Variants in AGBL1 observed in about 807,000 individuals in gnomAD.
AGBL1 encodes the protein cytosolic carboxypeptidase 4.
Under a neutral mutation model 118.9 loss-of-function variants are expected in AGBL1, and 130 were observed. The observed-to-expected ratio is 1.09, with a 90% CI of 0.95 to 1.26. The LOEUF (loss-of-function observed/expected upper bound fraction) is 1.26, where lower values mean the gene tolerates loss of function less well. AGBL1 is among the 50% of genes most tolerant of loss of function. The probability of loss-of-function intolerance (pLI) is 0.00; values close to 1 mark genes in which losing one functional copy is unlikely to be tolerated. For synonymous variants in AGBL1, 555 were observed against 478.9 expected (o/e 1.16, Z -2.08); for missense variants, 1,584 against 1,298.1 (o/e 1.22, Z -3.38).
intron 21 of AGBL1, among the ~76,000 whole-genome samples, chr15:86,591,313 C>A (rs529532333): frequency 3.3e-5 from 5 of 152,314 alleles, no homozygotes; most frequent in African/African-American, 7.2e-5. Context: ...CCACTGGACA[C>A]CTGCTGGATG....
chr15:86,175,889 T>TA (rs2077475158), intron 5 of AGBL1, among the ~76,000 whole-genome samples: 1 of 152,212 alleles, frequency 6.6e-6, no homozygotes, highest in Non-Finnish European at 1.5e-5. Context: ...TTACTGAGAT[T>TA]AATTTTGTGG....
intron 22 of AGBL1, among the ~76,000 whole-genome samples, chr15:86,691,183 T>G (rs1445206287): frequency 6.6e-6 from 1 of 152,138 alleles, no homozygotes; most frequent in Non-Finnish European, 1.5e-5. Context: ...CTGGAGGTAC[T>G]GACAGCTCCT....
At position 86,102,229 on chromosome 15, in the gene AGBL1, T is replaced by C. The variant is rs548427536; in HGVS notation, c.51+22206T>C. ...CTTATTTTTGCATTTTTAGTAGCGA[T>C]GGGGTTTTGCCACATTGGCCAGGCT... On this transcript the variant is annotated intron_variant, in intron 1 of 22. Coordinates refer to ENST00000614907, the MANE Select transcript of AGBL1 (RefSeq NM_001386094.1). 3.4e-3 allele frequency among the ~76,000 whole-genome samples: 513 copies of C among 152,130 alleles called. 15 individuals are homozygous for C. In the South Asian group the frequency reaches 0.066, roughly 20 times the overall value.
chr15:86,606,144 G>T (rs117493630), intron 21 of AGBL1, among the ~76,000 whole-genome samples: 1,390 of 77,930 alleles, frequency 0.018, 15 homozygotes, highest in Middle Eastern at 0.03. Context: ...AAAAAAAAAA[G>T]AGTAAAGAAG....
intron 18 of AGBL1, among the ~76,000 whole-genome samples, chr15:86,488,637 C>A (rs578247916): frequency 1.3e-5 from 2 of 152,048 alleles, no homozygotes; most frequent in African/African-American, 4.8e-5. Context: ...TGACACATCC[C>A]CTCACTCCCT....
intron 21 of AGBL1, among the ~76,000 whole-genome samples, chr15:86,562,091 C>T (rs2083832169): frequency 1.3e-5 from 2 of 152,206 alleles, no homozygotes; most frequent in Admixed American, 6.5e-5. Context: ...ACAATTATGT[C>T]ATCTGCAAAC....
At chr15:86,601,211 G>A (rs1328618788) in intron 21 of AGBL1, among the ~76,000 whole-genome samples, 3 of 152,130 alleles carry the variant, frequency 2.0e-5, no homozygotes, top group African/African-American at 7.2e-5. Context: ...TCAAAAGAAA[G>A]TTACATAGAT....
chr15:86,711,497 C>G (rs77669269), intron 22 of AGBL1, among the ~76,000 whole-genome samples: 1 of 152,168 alleles, frequency 6.6e-6, no homozygotes, highest in Non-Finnish European at 1.5e-5. Context: ...ACTGCCTCCT[C>G]TTATAGGAAT....
chr15:86,941,460 A>C (rs746553795), intron 23 of AGBL1, among the ~76,000 whole-genome samples: 7 of 152,246 alleles, frequency 4.6e-5, no homozygotes, highest in Non-Finnish European at 7.3e-5. Flanking sequence ...GAACAGTCAC[A>C]GCTATGGAGC....
At chr15:86,699,492 T>C (rs1396356676) in intron 22 of AGBL1, among the ~76,000 whole-genome samples, 4 of 152,120 alleles carry the variant, frequency 2.6e-5, no homozygotes, top group Non-Finnish European at 5.9e-5. Flanking sequence ...CATTTCGTTT[T>C]CAAATCTATT....
intron 19 of AGBL1, among the ~76,000 whole-genome samples, chr15:86,538,512 C>T (rs1033972126): frequency 6.6e-6 from 1 of 152,162 alleles, no homozygotes; most frequent in Admixed American, 6.5e-5. Flanking sequence ...ATGTTAACTC[C>T]ATTTAGGAAC....
At chr15:86,816,474 G>A (rs140049621) in intron 22 of AGBL1, among the ~76,000 whole-genome samples, 227 of 152,322 alleles carry the variant, frequency 1.5e-3, no homozygotes, top group African/African-American at 5.1e-3. Context: ...AGAAATATCA[G>A]GAGGATAGGT....
At chr15:86,858,620 G>A (rs969282967) in intron 22 of AGBL1, among the ~76,000 whole-genome samples, 3 of 152,168 alleles carry the variant, frequency 2.0e-5, no homozygotes, top group African/African-American at 7.2e-5. Context: ...ATAAATGTAA[G>A]CAAAGAAACT....
At chr15:86,250,211 C>G (rs1229846233) in intron 7 of AGBL1, among the ~76,000 whole-genome samples, 5 of 151,994 alleles carry the variant, frequency 3.3e-5, no homozygotes, top group Non-Finnish European at 7.4e-5. Context: ...ACCACTCGCC[C>G]TTGCTTTTAG....
intron 6 of AGBL1, among the ~76,000 whole-genome samples, chr15:86,229,698 G>A (rs1391695793): frequency 6.6e-6 from 1 of 151,832 alleles, no homozygotes; most frequent in Non-Finnish European, 1.5e-5. Flanking sequence ...CCTTCCATGA[G>A]CATTAGGCAT....
At chr15:86,851,328 C>G (rs1460775312) in intron 22 of AGBL1, among the ~76,000 whole-genome samples, 1 of 152,228 alleles carries the variant, frequency 6.6e-6, no homozygotes, top group East Asian at 1.9e-4. Flanking sequence ...ACCAAGTCTA[C>G]TAGAACTGGC....
chr15:86,434,272 T>C lies in AGBL1; in HGVS notation c.2555+36726T>C, dbSNP rs558726232. Among the ~76,000 whole-genome samples the C allele has an allele frequency of 7.9e-5, 12 of 152,352 alleles. No individual in the cohort carries two copies. The South Asian group carries it at 2.5e-3, about 32-fold the overall frequency. On this transcript the variant is annotated intron_variant, in intron 18 of 22. Transcript: ENST00000614907. ...CCTTTATTCTCACCACCCAGTTATCTGACAACATGTGTCTAAAAAGTGAAA... is the reference window on the plus strand; with the variant it reads ...CCTTTATTCTCACCACCCAGTTATCCGACAACATGTGTCTAAAAAGTGAAA...
At chr15:87,020,909 G>A (rs757715473) in intron 24 of AGBL1, among the ~76,000 whole-genome samples, 5 of 151,960 alleles carry the variant, frequency 3.3e-5, no homozygotes, top group Non-Finnish European at 7.4e-5. Flanking sequence ...TTGTGAAAAT[G>A]GCCATATTGC....
intron 16 of AGBL1, among the ~76,000 whole-genome samples, chr15:86,282,206 A>G (rs2141725420): frequency 6.6e-6 from 1 of 152,220 alleles, no homozygotes; most frequent in Non-Finnish European, 1.5e-5. Context: ...TGAGGAGAAG[A>G]TTTCATGTTA....
Sources: gnomAD v4.1 joint callset for allele counts (sites outside exome capture counted in the v4.1 genomes callset) on GRCh38, gnomAD v4.1.1 for gene constraint, MANE v1.5 for transcripts, NCBI Gene and HGNC (gene_info 2026-07-23, HGNC 2026-07-21) for gene names.